The following HS3ST4 variants were observed in gnomAD, a reference collection of about 807,000 sequenced individuals.
The protein encoded by HS3ST4 is heparan sulfate-glucosamine 3-sulfotransferase 4, also known as heparan sulfate glucosamine 3-O-sulfotransferase 4.
Under a neutral mutation model 29.2 loss-of-function variants are expected in HS3ST4, and 17 were observed. The observed-to-expected ratio is 0.58, with a 90% CI of 0.40 to 0.87. The LOEUF is 0.87. HS3ST4 is among the 40% of genes least tolerant of loss of function. HS3ST4 has a pLI of 0.00. For synonymous variants in HS3ST4, 314 were observed against 285.7 expected, an observed-to-expected ratio of 1.10 and a Z score of -1.00; for missense variants, 627 against 634.5, an observed-to-expected ratio of 0.99 and a Z score of 0.13.
chr16:25,698,819 G>A (rs543251510), intron 1 of HS3ST4, among the ~76,000 whole-genome samples: 15 of 152,132 alleles, frequency 9.9e-5, no homozygotes. Context: ...CTTTTAAACC[G>A]AAGGTCACAC....
intron 1 of HS3ST4, among the ~76,000 whole-genome samples, chr16:25,884,855 G>A (rs573481937): frequency 1.3e-5 from 2 of 152,244 alleles, no homozygotes; most frequent in South Asian, 2.1e-4. Flanking sequence ...GATTACAGGC[G>A]TCAACCACTG....
At chr16:25,929,754 G>A (rs1329866156) in intron 1 of HS3ST4, among the ~76,000 whole-genome samples, 1 of 152,164 alleles carries the variant, frequency 6.6e-6, no homozygotes, top group Non-Finnish European at 1.5e-5. Flanking sequence ...TGTCTGAGAA[G>A]AAGGCAAAAA....
intron 1 of HS3ST4, among the ~76,000 whole-genome samples, chr16:25,962,747 T>C (rs1452773962): frequency 6.6e-6 from 1 of 152,200 alleles, no homozygotes; most frequent in Non-Finnish European, 1.5e-5. Context: ...CACTTTATTC[T>C]GTTCCATTCG....
intron 1 of HS3ST4, among the ~76,000 whole-genome samples, chr16:25,701,238 T>G (rs1046386024): frequency 6.6e-6 from 1 of 152,202 alleles, no homozygotes; most frequent in Admixed American, 6.5e-5. Flanking sequence ...CAGTTTTTCT[T>G]AAGAACTTCT....
At chr16:25,804,550 A>G (rs1966971672) in intron 1 of HS3ST4, among the ~76,000 whole-genome samples, 1 of 152,208 alleles carries the variant, frequency 6.6e-6, no homozygotes, top group Non-Finnish European at 1.5e-5. Context: ...AGCAGATGGT[A>G]TCTAAAATTT....
chr16:26,012,030 A>G (rs1969315798), intron 1 of HS3ST4, among the ~76,000 whole-genome samples: 1 of 152,188 alleles, frequency 6.6e-6, no homozygotes, highest in South Asian at 2.1e-4. Flanking sequence ...CTACACCTGA[A>G]TAATCGATTA....
chr16:25,746,272 A>G (rs1966684553), intron 1 of HS3ST4, among the ~76,000 whole-genome samples: 1 of 152,210 alleles, frequency 6.6e-6, no homozygotes, highest in African/African-American at 2.4e-5. Flanking sequence ...TTATAATGGG[A>G]TATTAAAGGT....
intron 1 of HS3ST4, among the ~76,000 whole-genome samples, chr16:25,841,700 C>A (rs1348343645): frequency 6.6e-6 from 1 of 152,168 alleles, no homozygotes; most frequent in Non-Finnish European, 1.5e-5. Context: ...TTAGATTCAC[C>A]TTCCCGAGTA....
intron 1 of HS3ST4, among the ~76,000 whole-genome samples, chr16:25,696,121 G>C (rs1432450514): frequency 1.3e-5 from 2 of 152,202 alleles, no homozygotes; most frequent in Non-Finnish European, 2.9e-5. Context: ...TAGACTAATG[G>C]ATTGGGATGC....
At chr16:26,040,090 G>C (rs967599725) in intron 1 of HS3ST4, among the ~76,000 whole-genome samples, 5 of 152,120 alleles carry the variant, frequency 3.3e-5, no homozygotes. Context: ...TCGCATGAAC[G>C]CACAATATTT....
At chr16:25,874,760 T>C (rs1003723872) in intron 1 of HS3ST4, among the ~76,000 whole-genome samples, 3 of 152,154 alleles carry the variant, frequency 2.0e-5, no homozygotes, top group African/African-American at 7.2e-5. Context: ...TCAATTAATA[T>C]TTGTCCCAGA....
intron 1 of HS3ST4, among the ~76,000 whole-genome samples, chr16:26,039,722 T>TC (rs1269244155): frequency 6.6e-6 from 1 of 152,026 alleles, no homozygotes; most frequent in Non-Finnish European, 1.5e-5. Context: ...CATCTCCACC[T>TC]CCCCCCACCC....
intron 1 of HS3ST4, among the ~76,000 whole-genome samples, chr16:25,881,431 A>G (rs1967895284): frequency 6.6e-6 from 1 of 152,224 alleles, no homozygotes; most frequent in African/African-American, 2.4e-5. Context: ...TAAAATTAAG[A>G]TGAAACTGTC....
chr16:25,775,883 T>G (rs190236870), intron 1 of HS3ST4, among the ~76,000 whole-genome samples: 72 of 152,348 alleles, frequency 4.7e-4, no homozygotes, highest in Admixed American at 1.7e-3. Flanking sequence ...CCATTTATCT[T>G]GGAACTCCGC....
intron 1 of HS3ST4, among the ~76,000 whole-genome samples, chr16:26,034,126 G>A (rs1048539060): frequency 6.6e-6 from 1 of 152,134 alleles, no homozygotes; most frequent in Non-Finnish European, 1.5e-5. Context: ...GGATCTTCCT[G>A]GAGTCTCTGC....
Position 26,130,910 on chromosome 16 carries a change from G to T in HS3ST4, c.735-4702G>T, listed in dbSNP as rs533915741. On this transcript the variant is annotated intron_variant, in intron 1 of 1. Transcript: ENST00000331351. Reference sequence around the variant, plus strand: ...ATGATTACTCAATCCCTCCACCTGGGTATGTAGGACATATCTCATATTACA... The same window carrying T: ...ATGATTACTCAATCCCTCCACCTGGTTATGTAGGACATATCTCATATTACA... Among the ~76,000 whole-genome samples the T allele has an allele frequency of 1.4e-4, 22 of 152,266 alleles. 1 individual carries two copies. The East Asian group carries it at 4.2e-3, about 29-fold the overall frequency.
In HS3ST4 at chr16:25,857,939, T is replaced by C. The variant is rs1354360841; in HGVS notation, c.734+164788T>C. 3.2e-4 allele frequency among the ~76,000 whole-genome samples: 17 copies of C among 52,770 alleles called. 1 individual carries two copies. The highest frequency in any genetic ancestry group is 1.3e-3 in the African/African-American group (12 of 9,312). The allele number at this position is 52,770 out of a possible 152,430, so 34.6% of individuals were successfully genotyped here. On this transcript the variant is annotated intron_variant, in intron 1 of 1. Transcript: ENST00000331351. ...TCCTTCCTTTCTTTCTTTCTTTCTT[T>C]CTTTCTTTCTTTCTTTCTTTCTTTC...
rs1966815595 is a variant in HS3ST4 at position 25,765,886 on chromosome 16, A to G, written c.734+72735A>G. 2.0e-5 allele frequency among the ~76,000 whole-genome samples: 3 copies of G among 152,076 alleles called. No individual in the cohort carries two copies. The South Asian group carries it at 6.2e-4, about 32-fold the overall frequency. On this transcript the variant is annotated intron_variant, in intron 1 of 1. Transcript: ENST00000331351. ...TGGGAGGGGGTTTGGATGTGGTTGGACCGTGGCTGACTTGCCAGCGTCTCT... is the reference window on the plus strand; with the variant it reads ...TGGGAGGGGGTTTGGATGTGGTTGGGCCGTGGCTGACTTGCCAGCGTCTCT...
chr16:25,899,529 G>A (rs767800661), intron 1 of HS3ST4, among the ~76,000 whole-genome samples: 62 of 151,848 alleles, frequency 4.1e-4, no homozygotes, highest in Non-Finnish European at 7.1e-4. Flanking sequence ...TTTTTGAGAC[G>A]GAGTCTCACT....
Sources: gnomAD v4.1 joint callset for allele counts (sites outside exome capture counted in the v4.1 genomes callset) on GRCh38, gnomAD v4.1.1 for gene constraint, MANE v1.5 for transcripts, NCBI Gene and HGNC (gene_info 2026-07-23, HGNC 2026-07-21) for gene names.